Variants in FRAS1 observed in about 807,000 individuals in gnomAD.
The protein encoded by FRAS1 is Fraser extracellular matrix complex subunit 1, also known as extracellular matrix organizing protein FRAS1.
Under a neutral mutation model 435.2 loss-of-function variants are expected in FRAS1, and 290 were observed. The observed-to-expected ratio is 0.67, with a 90% CI of 0.61 to 0.73. FRAS1 has a LOEUF of 0.73. FRAS1 is among the 30% of genes least tolerant of loss of function. FRAS1 has a pLI of 0.00. For synonymous variants in FRAS1, 1,800 were observed against 1,851.0 expected (o/e 0.97, Z 0.71); for missense variants, 4,860 against 5,001.5 (o/e 0.97, Z 0.85).
chr4:78,409,393 T>G (rs1733246736), intron 31 of FRAS1, among the ~76,000 whole-genome samples: 1 of 151,984 alleles, frequency 6.6e-6, no homozygotes, highest in Non-Finnish European at 1.5e-5. Context: ...AGAAGAAAAT[T>G]GATGGCCTTA....
At chr4:78,058,331 TTGGG>T (rs1250902981) in intron 1 of FRAS1, among the ~76,000 whole-genome samples, 1 of 152,048 alleles carries the variant, frequency 6.6e-6, no homozygotes, top group Admixed American at 6.6e-5. Flanking sequence ...CTAAGTGCTT[TTGGG>T]TGGGTGGGTG....
chr4:78,252,394 T>C lies in FRAS1; in HGVS notation c.312T>C (p.His104=). ...TTTTCTGTCTCCCTAACACACAGCA[T>C]GGGACAGAATGGGCCTCTTCTCCAT... ...SCHHEKKIHE[H]GTEWASSPCS... is the part of the protein sequence containing the mutation. The change falls in exon 5 of 74, where the codon CAT becomes CAC. Residue 104 remains histidine (H), a splice_region_variant and synonymous_variant. Coordinates refer to ENST00000512123, the MANE Select transcript of FRAS1 (RefSeq NM_025074.7). 1 of 1,612,840 alleles carries C rather than the reference T, an allele frequency of 6.2e-7. No homozygotes were observed. The highest frequency in any genetic ancestry group is 8.5e-7 in the Non-Finnish European group (1 of 1,179,504).
intron 70 of FRAS1, among the ~76,000 whole-genome samples, chr4:78,533,537 T>C (rs1005204610): frequency 6.6e-6 from 1 of 152,228 alleles, no homozygotes; most frequent in Non-Finnish European, 1.5e-5. Flanking sequence ...GGGAAACCAC[T>C]GAAGGATATT....
intron 31 of FRAS1, among the ~76,000 whole-genome samples, chr4:78,411,623 T>G (rs1733338970): frequency 6.6e-6 from 1 of 152,186 alleles, no homozygotes; most frequent in Non-Finnish European, 1.5e-5. Context: ...TCAGGTCACT[T>G]TGACACAGCC....
chr4:78,283,554 G>A (rs1021011104), intron 12 of FRAS1, among the ~76,000 whole-genome samples: 7 of 152,184 alleles, frequency 4.6e-5, no homozygotes, highest in African/African-American at 1.4e-4. Context: ...TTGAGTAGTA[G>A]TTTGCCTATA....
chr4:78,196,721 T>G (rs1049388035), intron 2 of FRAS1, among the ~76,000 whole-genome samples: 11 of 152,220 alleles, frequency 7.2e-5, no homozygotes, highest in Admixed American at 2.0e-4. Context: ...ATTTCATATA[T>G]TCTCTGTTCC....
intron 41 of FRAS1, chr4:78,444,057 G>C (rs554277564): frequency 8.2e-4 from 325 of 394,360 alleles, no homozygotes; most frequent in Middle Eastern, 1.7e-3. Flanking sequence ...GTCTCACTAA[G>C]TTGCCTAGTC....
At chr4:78,126,113 G>A (rs9991356) in intron 2 of FRAS1, among the ~76,000 whole-genome samples, 33,013 of 152,106 alleles carry the variant, frequency 0.22, 3,946 homozygotes, top group Admixed American at 0.29. Flanking sequence ...AATGGCAGAT[G>A]CCCCTCTGCC....
At chr4:78,064,433 A>G (rs942874352) in intron 1 of FRAS1, among the ~76,000 whole-genome samples, 2 of 151,890 alleles carry the variant, frequency 1.3e-5, no homozygotes, top group Non-Finnish European at 2.9e-5. Context: ...TAATTATCCT[A>G]TGTCTGCAGA....
chr4:78,163,953 G>C (rs747785715), intron 2 of FRAS1, among the ~76,000 whole-genome samples: 1 of 152,260 alleles, frequency 6.6e-6, no homozygotes, highest in East Asian at 1.9e-4. Context: ...TGCTCTGCTT[G>C]TCCAACCTCC....
intron 67 of FRAS1, among the ~76,000 whole-genome samples, chr4:78,520,739 A>C (rs1413362109): frequency 6.6e-6 from 1 of 152,176 alleles, no homozygotes; most frequent in Admixed American, 6.5e-5. Context: ...TTTCTATTTG[A>C]GGTTGGGTGA....
At chr4:78,388,209 T>C (rs1036475040) in intron 29 of FRAS1, among the ~76,000 whole-genome samples, 4 of 151,440 alleles carry the variant, frequency 2.6e-5, no homozygotes, top group South Asian at 2.1e-4. Context: ...CCTGTAGTCC[T>C]AGCTACTCGG....
chr4:78,279,765 G>GT (rs1374347570), intron 10 of FRAS1, among the ~76,000 whole-genome samples: 1 of 152,074 alleles, frequency 6.6e-6, no homozygotes, highest in Non-Finnish European at 1.5e-5. Context: ...AATTCATTAT[G>GT]TTTTTAAAAA....
At chr4:78,190,217 A>G (rs1282731753) in intron 2 of FRAS1, among the ~76,000 whole-genome samples, 1 of 152,158 alleles carries the variant, frequency 6.6e-6, no homozygotes, top group Non-Finnish European at 1.5e-5. Context: ...ACTACAGTAC[A>G]GCCGCTGTGA....
At chr4:78,306,328 A>T (rs1447253941) in intron 14 of FRAS1, among the ~76,000 whole-genome samples, 1 of 149,838 alleles carries the variant, frequency 6.7e-6, no homozygotes, top group African/African-American at 2.5e-5. Flanking sequence ...GGTGAATCTG[A>T]CAATTATGCG....
At chr4:78,335,558 A>G (rs1730138210) in intron 19 of FRAS1, among the ~76,000 whole-genome samples, 1 of 152,190 alleles carries the variant, frequency 6.6e-6, no homozygotes, top group Non-Finnish European at 1.5e-5. Context: ...TACACCTCTC[A>G]GTGGAGGAAT....
intron 15 of FRAS1, among the ~76,000 whole-genome samples, chr4:78,310,056 A>G (rs1482279397): frequency 2.0e-5 from 3 of 152,192 alleles, no homozygotes; most frequent in Admixed American, 2.0e-4. Context: ...GGGATCCATC[A>G]GTATTGCCAG....
At chr4:78,132,026 G>C (rs1719705905) in intron 2 of FRAS1, among the ~76,000 whole-genome samples, 1 of 152,152 alleles carries the variant, frequency 6.6e-6, no homozygotes, top group Non-Finnish European at 1.5e-5. Flanking sequence ...TTTCAGTATG[G>C]TCCCAGTCTT....
intron 2 of FRAS1, among the ~76,000 whole-genome samples, chr4:78,086,893 A>G (rs939965147): frequency 5.6e-4 from 86 of 152,304 alleles, no homozygotes; most frequent in Non-Finnish European, 1.0e-3. Context: ...AATCAATAGA[A>G]AAAGAGGGAA....
Sources: gnomAD v4.1 joint callset for allele counts (sites outside exome capture counted in the v4.1 genomes callset) on GRCh38, gnomAD v4.1.1 for gene constraint, MANE v1.5 for transcripts, NCBI Gene and HGNC (gene_info 2026-07-23, HGNC 2026-07-21) for gene names.